TMEM144: variants seen among roughly 807,000 people sequenced by gnomAD.
The protein encoded by TMEM144 is transmembrane protein 144.
TMEM144 carries 39 observed loss-of-function variants against 43.6 expected under a neutral mutation model. The ratio of observed to expected loss-of-function variants is 0.90; its 90% CI spans 0.69 to 1.17. TMEM144 has a LOEUF of 1.17. Ranked by LOEUF, TMEM144 falls within the 50% of genes most tolerant of loss-of-function variation. The pLI is 0.00. For missense variants in TMEM144, 417 were observed against 411.9 expected (o/e 1.01, Z -0.11); for synonymous variants, 154 against 133.6 (o/e 1.15, Z -1.06).
At position 158,230,059 on chromosome 4, in the gene TMEM144, G is replaced by A. The variant is rs545926265; in HGVS notation, c.414-2842G>A. On this transcript the variant is annotated intron_variant, in intron 6 of 12. Coordinates refer to ENST00000296529, the MANE Select transcript of TMEM144 (RefSeq NM_018342.5). ...TCAGCAGGCTGAGGCAGATTCCAGC[G>A]GAGAGGCTGTTGAGAATCTGCATGG... Among the ~76,000 whole-genome samples the A allele has an allele frequency of 4.5e-3, 680 of 152,356 alleles. 2 individuals are homozygous for A. The highest frequency in any genetic ancestry group is 8.4e-3 in the Non-Finnish European group (569 of 68,042).
chr4:158,230,428 T>C (rs1006635048), intron 6 of TMEM144, among the ~76,000 whole-genome samples: 2 of 152,294 alleles, frequency 1.3e-5, no homozygotes, highest in African/African-American at 2.4e-5. Context: ...TTGTCCATCT[T>C]GGTCCCACCC....
chr4:158,241,177 T>C (rs549075697), intron 10 of TMEM144, among the ~76,000 whole-genome samples: 7 of 152,204 alleles, frequency 4.6e-5, no homozygotes, highest in Admixed American at 1.3e-4. Context: ...TATTAATATC[T>C]ATGGTTTACG....
At chr4:158,237,959 T>C (rs1294474458) in intron 9 of TMEM144, among the ~76,000 whole-genome samples, 8 of 152,236 alleles carry the variant, frequency 5.3e-5, no homozygotes, top group African/African-American at 1.9e-4. Context: ...TATACTTCTG[T>C]TCTTTTAAAA....
chr4:158,230,599 A>ATC (rs1291149623), intron 6 of TMEM144, among the ~76,000 whole-genome samples: 3 of 151,616 alleles, frequency 2.0e-5, no homozygotes, highest in African/African-American at 7.3e-5. Flanking sequence ...ATATATATAT[A>ATC]TGCACACACA....
chr4:158,219,417 C>T (rs760223619), intron 6 of TMEM144, 27 bp downstream of exon 6: 2 of 1,600,828 alleles, frequency 1.2e-6, no homozygotes, highest in South Asian at 2.2e-5. Flanking sequence ...AGTGATTTTG[C>T]TGTTCTTCAA....
chr4:158,246,396 T>C (rs1579152635), intron 12 of TMEM144, among the ~76,000 whole-genome samples: 1 of 152,210 alleles, frequency 6.6e-6, no homozygotes. Context: ...ATCTTTAAAA[T>C]GATTATTCAA....
At chr4:158,247,480 T>TA (rs1735948200) in intron 12 of TMEM144, among the ~76,000 whole-genome samples, 1 of 151,926 alleles carries the variant, frequency 6.6e-6, no homozygotes, top group South Asian at 2.1e-4. Flanking sequence ...TGACAAAAAT[T>TA]AAAAATTAAA....
chr4:158,253,239 T>C (rs1468991659), intron 12 of TMEM144, among the ~76,000 whole-genome samples: 1 of 152,256 alleles, frequency 6.6e-6, no homozygotes, highest in Non-Finnish European at 1.5e-5. Context: ...TGAAGCTTAG[T>C]GGGTGCCCAC....
chr4:158,255,373 A>T lies in TMEM144; in HGVS notation c.*1846A>T, dbSNP rs2111164443. On this transcript the variant is annotated 3_prime_UTR_variant, in exon 13 of 13. Transcript: ENST00000296529. ...TTGGGATTTCCAATTTATATGCAAAATTTTAAATGTGAAGTAAAGCAGTTT... is the reference window on the plus strand; with the variant it reads ...TTGGGATTTCCAATTTATATGCAAATTTTTAAATGTGAAGTAAAGCAGTTT... 6.6e-6 allele frequency: 1 copy of T among 151,094 alleles called. No homozygotes were observed. The highest frequency in any genetic ancestry group is 1.5e-5 in the Non-Finnish European group (1 of 67,756). The allele number at this position is 151,094 out of a possible 1,614,324, so 9.4% of individuals were successfully genotyped here. A position where few individuals can be genotyped will look rare whatever the true frequency, so the allele number is the denominator to read the frequency against.
rs1735308947 is a variant in TMEM144, at chr4:158,235,683, C to T, written c.563+178C>T. On this transcript the variant is annotated intron_variant, in intron 8 of 12. Transcript: ENST00000296529. ...CCAGCTGAATTTTAGGTACAGATGC[C>T]CTTGAGCTCAACTGCTTTGAGTAAT... 11 of 496,906 alleles carry T rather than the reference C, an allele frequency of 2.2e-5. No individual in the cohort carries two copies. In the South Asian group the frequency reaches 4.4e-4, roughly 20 times the overall value. The allele number at this position is 496,906 out of a possible 1,614,324, so 30.8% of individuals were successfully genotyped here. A position where few individuals can be genotyped will look rare whatever the true frequency, so the allele number is the denominator to read the frequency against.
chr4:158,238,452 C>T (rs1308245624), intron 9 of TMEM144, among the ~76,000 whole-genome samples: 1 of 151,932 alleles, frequency 6.6e-6, no homozygotes, highest in Non-Finnish European at 1.5e-5. Context: ...TATAGTTAGC[C>T]CCATGTATAT....
At chr4:158,235,615 C>A in intron 8 of TMEM144, 110 bp downstream of exon 8, 2 of 1,115,980 alleles carry the variant, frequency 1.8e-6, no homozygotes, top group South Asian at 2.5e-5. Flanking sequence ...AATTGTAATG[C>A]AAGCTTTGAC....
intron 12 of TMEM144, among the ~76,000 whole-genome samples, chr4:158,249,323 A>G (rs1736060548): frequency 6.6e-6 from 1 of 152,254 alleles, no homozygotes; most frequent in South Asian, 2.1e-4. Context: ...GTATGTCTAC[A>G]GTAATGCCAA....
At chr4:158,213,442 A>G (rs995552471) in intron 3 of TMEM144, 1 of 152,234 alleles carries the variant, frequency 6.6e-6, no homozygotes, top group Non-Finnish European at 1.5e-5. Flanking sequence ...AGCATCATGT[A>G]ATTAACCAGT....
At chr4:158,240,559 C>CATGT in intron 10 of TMEM144, 141 bp downstream of exon 10, 1 of 749,198 alleles carries the variant, frequency 1.3e-6, no homozygotes, top group Non-Finnish European at 1.9e-6. Context: ...TGTGTGTGTG[C>CATGT]ATGTTCATTC....
chr4:158,239,842 A>T (rs1191771477), intron 9 of TMEM144, among the ~76,000 whole-genome samples: 1 of 151,960 alleles, frequency 6.6e-6, no homozygotes, highest in East Asian at 1.9e-4. Context: ...AAAATTCTAT[A>T]TGAACAGCAT....
At chr4:158,212,855 C>A in intron 3 of TMEM144, 79 bp downstream of exon 3, 1 of 1,115,408 alleles carries the variant, frequency 9.0e-7, no homozygotes, top group Non-Finnish European at 1.3e-6. Flanking sequence ...AAAAGTATAG[C>A]TACAAAAATA....
intron 10 of TMEM144, among the ~76,000 whole-genome samples, 177 bp from the exon 11 acceptor site, chr4:158,241,331 GA>G (rs5863313): frequency 0.018 from 2,683 of 152,240 alleles, 78 homozygotes; most frequent in African/African-American, 0.058. Context: ...TAGCAGGCAA[GA>G]GTAGAGAAAT....
At chr4:158,240,881 T>G (rs541440029) in intron 10 of TMEM144, among the ~76,000 whole-genome samples, 1 of 152,360 alleles carries the variant, frequency 6.6e-6, no homozygotes, top group African/African-American at 2.4e-5. Flanking sequence ...CTTTTGGATT[T>G]AATTCATTAG....
Sources: gnomAD v4.1 joint callset for allele counts (sites outside exome capture counted in the v4.1 genomes callset) on GRCh38, gnomAD v4.1.1 for gene constraint, MANE v1.5 for transcripts, NCBI Gene and HGNC (gene_info 2026-07-23, HGNC 2026-07-21) for gene names.